The following PSMG2 variants were observed in gnomAD, a reference collection of about 807,000 sequenced individuals.
PSMG2 encodes the protein proteasome assembly chaperone 2.
In PSMG2, 21 loss-of-function variants were observed where a neutral mutation model predicts 31.5. That is an observed-to-expected ratio of 0.67 (90% confidence interval 0.47 to 0.96). The LOEUF (loss-of-function observed/expected upper bound fraction) is 0.96, where lower values mean the gene tolerates loss of function less well. Among genes scored for constraint, PSMG2 ranks in the 40% least tolerant of loss-of-function variants. The pLI, the probability that PSMG2 is intolerant of heterozygous loss-of-function variation, is 0.00. For missense variants in PSMG2, 318 were observed against 321.2 expected (o/e 0.99, Z 0.08); for synonymous variants, 120 against 110.4 (o/e 1.09, Z -0.54).
chr18:12,686,787 T>C (rs772406575), intron 1 of PSMG2: 12 of 173,654 alleles, frequency 6.9e-5, no homozygotes, highest in Non-Finnish European at 1.4e-4. Context: ...TGCTCTAAGC[T>C]GAAGTATTTT....
At chr18:12,699,079 T>A, upstream of PSMG2, 1 of 1,614,082 alleles carries the variant, frequency 6.2e-7, no homozygotes, top group Non-Finnish European at 8.5e-7. Context: ...TTCGATAATG[T>A]AAACATAAAG....
chr18:12,670,658 T>A (rs953234431), intron 1 of PSMG2: 6 of 118,098 alleles, frequency 5.1e-5, no homozygotes, highest in African/African-American at 1.3e-4. Flanking sequence ...TGGTTTTTTT[T>A]AACTTTTTTA....
At position 12,697,376 on chromosome 18, in the gene PSMG2, T is replaced by C. The variant is rs552145580; in HGVS notation, c.-36-9174T>C. ...TGAATTGGATCACTTATTGATAACA[T>C]TGTTGTTGAATCAGCCATTCTAGTT... On this transcript the variant is annotated intron_variant, in intron 1 of 6. Transcript: ENST00000585331. The C allele has an allele frequency of 1.9e-5, 31 of 1,611,992 alleles. No homozygotes were observed. Among genetic ancestry groups the C allele is most frequent in the Admixed American group, 6.7e-5 (4 of 59,632 alleles).
rs1279554150 is a variant in PSMG2, at chr18:12,718,730, T to A, written c.407+95T>A. The stretch of plus-strand genomic sequence containing the variant: ...TAAACTTTAAAAGCCACGTAGATCC[T>A]TACCTCTTCTTACTGGAGTTTAGAA... On this transcript the variant is annotated intron_variant, in intron 4 of 6. Coordinates refer to ENST00000317615, the MANE Select transcript of PSMG2 (RefSeq NM_020232.5). The A allele has an allele frequency of 5.0e-6, 4 of 798,124 alleles. No individual in the cohort carries two copies. The African/African-American group carries it at 6.9e-5, about 14-fold the overall frequency. 49.4% of individuals were successfully genotyped at this position (798,124 alleles called of 1,614,324 possible). A position where few individuals can be genotyped will look rare whatever the true frequency, so the allele number is the denominator to read the frequency against.
intron 1 of PSMG2, among the ~76,000 whole-genome samples, chr18:12,667,086 C>A (rs2038819283): frequency 6.6e-6 from 1 of 151,730 alleles, no homozygotes; most frequent in African/African-American, 2.4e-5. Flanking sequence ...TAAAAAACCC[C>A]TCAAAAATTA....
At chr18:12,686,519 A>C in intron 1 of PSMG2, 1 of 1,129,854 alleles carries the variant, frequency 8.9e-7, no homozygotes, top group South Asian at 1.4e-5. Context: ...TTTCAAATAC[A>C]TTAATGTAGG....
intron 1 of PSMG2, chr18:12,680,911 T>A (rs1316067608): frequency 2.7e-5 from 34 of 1,280,542 alleles, no homozygotes; most frequent in Non-Finnish European, 3.3e-5. Flanking sequence ...ATAATAAAAA[T>A]TTATTGGCTG....
intron 2 of PSMG2, among the ~76,000 whole-genome samples, chr18:12,710,032 T>C (rs1246798363): frequency 1.3e-5 from 2 of 150,988 alleles, no homozygotes; most frequent in Non-Finnish European, 2.9e-5. Flanking sequence ...AAGCTCTGCC[T>C]CCCGGGTTCA....
chr18:12,689,765 T>TAC (rs1491508834), intron 1 of PSMG2, among the ~76,000 whole-genome samples: 2 of 124,864 alleles, frequency 1.6e-5, no homozygotes, highest in African/African-American at 5.1e-5. Context: ...GGAGCCAGTT[T>TAC]ATATATATAT....
At chr18:12,714,460 A>C (rs1392819503) in intron 3 of PSMG2, among the ~76,000 whole-genome samples, 2 of 150,728 alleles carry the variant, frequency 1.3e-5, no homozygotes, top group African/African-American at 4.9e-5. Flanking sequence ...CTTCATGAGA[A>C]AGGCCCTCCT....
intron 1 of PSMG2, among the ~76,000 whole-genome samples, chr18:12,692,567 C>T (rs894392754): frequency 1.6e-4 from 25 of 152,160 alleles, no homozygotes; most frequent in Admixed American, 3.9e-4. Flanking sequence ...CAGACTCTTT[C>T]CCTACCTTAG....
At chr18:12,719,868 C>T (rs889690398) in intron 4 of PSMG2, among the ~76,000 whole-genome samples, 2 of 150,908 alleles carry the variant, frequency 1.3e-5, no homozygotes, top group African/African-American at 2.4e-5. Flanking sequence ...GGACTACAGG[C>T]GCATGCCACC....
chr18:12,705,527 A>G (rs929349753), intron 1 of PSMG2, among the ~76,000 whole-genome samples: 1 of 149,462 alleles, frequency 6.7e-6, no homozygotes, highest in Non-Finnish European at 1.5e-5. Flanking sequence ...CAGCTTCATT[A>G]TTTTAAGTCA....
At chr18:12,660,431 C>T (rs776815427) in intron 1 of PSMG2, among the ~76,000 whole-genome samples, 16 of 151,628 alleles carry the variant, frequency 1.1e-4, no homozygotes, top group Non-Finnish European at 2.1e-4. Context: ...AGATGATTCT[C>T]GTGCCTCGGC....
upstream of PSMG2, chr18:12,699,969 A>C: frequency 9.1e-7 from 1 of 1,104,068 alleles, no homozygotes; most frequent in Non-Finnish European, 1.3e-6. Context: ...AGGAAATGTC[A>C]ATAAACATGA....
chr18:12,702,685 G>A (rs959077762), upstream of PSMG2: 34 of 954,246 alleles, frequency 3.6e-5, no homozygotes, highest in Admixed American at 8.6e-4. Context: ...GCTCCCGGGG[G>A]ACGCAACGCC....
At chr18:12,671,783 G>A (rs1042312598) in intron 1 of PSMG2, among the ~76,000 whole-genome samples, 12 of 151,402 alleles carry the variant, frequency 7.9e-5, no homozygotes, top group Admixed American at 7.9e-4. Context: ...TTGGATTATG[G>A]GTGTGTGACA....
chr18:12,710,535 C>T (rs925992222), intron 2 of PSMG2, among the ~76,000 whole-genome samples: 2 of 151,960 alleles, frequency 1.3e-5, no homozygotes, highest in Non-Finnish European at 2.9e-5. Flanking sequence ...TAGAGCAGTC[C>T]CTTTTTTTTC....
In PSMG2 at chr18:12,720,976, C is replaced by T. The variant is rs142254462; in HGVS notation, c.581+293C>T. 3.9e-3 allele frequency among the ~76,000 whole-genome samples: 598 copies of T among 152,028 alleles called. 9 individuals are homozygous for T. In the East Asian group the frequency reaches 0.042, roughly 11 times the overall value. On this transcript the variant is annotated intron_variant, in intron 5 of 6. Coordinates refer to ENST00000317615, the MANE Select transcript of PSMG2 (RefSeq NM_020232.5). Reference sequence around the variant, plus strand: ...GTCAGATCAATCAAGACCAGGAGATCGAGACCATCCTGGCTAATATGGTAA... The same window carrying T: ...GTCAGATCAATCAAGACCAGGAGATTGAGACCATCCTGGCTAATATGGTAA...
Sources: gnomAD v4.1 joint callset for allele counts (sites outside exome capture counted in the v4.1 genomes callset) on GRCh38, gnomAD v4.1.1 for gene constraint, MANE v1.5 for transcripts, NCBI Gene and HGNC (gene_info 2026-07-23, HGNC 2026-07-21) for gene names.